The following WWOX variants were observed in gnomAD, a reference collection of about 807,000 sequenced individuals.
WWOX encodes the protein WW domain-containing oxidoreductase.
Under a neutral mutation model 46.2 loss-of-function variants are expected in WWOX, and 69 were observed. The ratio of observed to expected loss-of-function variants is 1.49; its 90% CI spans 1.23 to 1.82. The LOEUF (loss-of-function observed/expected upper bound fraction) is 1.82. Among genes scored for constraint, WWOX ranks in the 40% most tolerant of loss-of-function variants. WWOX has a pLI of 0.00. For synonymous variants in WWOX, 359 were observed against 202.6 expected (o/e 1.77, Z -6.56); for missense variants, 919 against 542.6 (o/e 1.69, Z -6.89).
chr16:78,643,843 T>C (rs2046780313), intron 8 of WWOX, among the ~76,000 whole-genome samples: 1 of 144,744 alleles, frequency 6.9e-6, no homozygotes, highest in South Asian at 2.2e-4. Flanking sequence ...AAAAAAAAAC[T>C]TTCTTCCCAG....
intron 8 of WWOX, among the ~76,000 whole-genome samples, chr16:78,847,541 C>G (rs2052332495): frequency 1.3e-5 from 2 of 151,782 alleles, no homozygotes; most frequent in Admixed American, 6.6e-5. Context: ...GCTATGTTGC[C>G]CAGCTCAGTC....
chr16:78,813,491 C>T (rs1176787240), intron 8 of WWOX, among the ~76,000 whole-genome samples: 1 of 152,038 alleles, frequency 6.6e-6, no homozygotes, highest in African/African-American at 2.4e-5. Flanking sequence ...CATATTTTGT[C>T]CTGGTTAGAG....
At chr16:78,181,282 G>GGT (rs1194085066) in intron 5 of WWOX, among the ~76,000 whole-genome samples, 8 of 151,996 alleles carry the variant, frequency 5.3e-5, no homozygotes, top group Non-Finnish European at 1.2e-4. Context: ...TCGTGGTGAC[G>GGT]GTGTGTGTGT....
chr16:78,988,335 ACTC>A, intron 8 of WWOX, among the ~76,000 whole-genome samples: 1 of 143,506 alleles, frequency 7.0e-6, no homozygotes, highest in Admixed American at 7.2e-5. Context: ...CAAGAGCAAA[ACTC>A]TGTCTCAAAA....
At chr16:78,918,889 G>T (rs2045312641) in intron 8 of WWOX, among the ~76,000 whole-genome samples, 1 of 152,074 alleles carries the variant, frequency 6.6e-6, no homozygotes, top group South Asian at 2.1e-4. Context: ...TGTCTTTTCT[G>T]AGCTACCTAT....
intron 6 of WWOX, among the ~76,000 whole-genome samples, chr16:78,410,237 G>A (rs1053673060): frequency 2.0e-5 from 3 of 152,114 alleles, no homozygotes; most frequent in African/African-American, 4.8e-5. Context: ...CTGCAGAATC[G>A]GAGCCAATTA....
At position 78,854,258 on chromosome 16, in the gene WWOX, A is replaced by G. The variant is rs116110440; in HGVS notation, c.1057-357350A>G. 2.2e-3 allele frequency among the ~76,000 whole-genome samples: 328 copies of G among 152,346 alleles called. 2 individuals are homozygous for G. The highest frequency in any genetic ancestry group is 7.3e-3 in the African/African-American group (303 of 41,586). On this transcript the variant is annotated intron_variant, in intron 8 of 8. Coordinates refer to ENST00000566780, the MANE Select transcript of WWOX (RefSeq NM_016373.4). ...TTATAATAAAACTTCATTTTATTTT[A>G]GATAAAATGAAAAGATGTTACTATG...
At chr16:78,160,438 A>G (rs1366094910) in intron 4 of WWOX, among the ~76,000 whole-genome samples, 1 of 152,110 alleles carries the variant, frequency 6.6e-6, no homozygotes, top group South Asian at 2.1e-4. Context: ...TTTTTAATAT[A>G]TGTAGTTAAG....
chr16:79,003,973 A>T (rs966557772), intron 8 of WWOX, among the ~76,000 whole-genome samples: 1 of 152,132 alleles, frequency 6.6e-6, no homozygotes, highest in Admixed American at 6.5e-5. Context: ...TTGCCAAGAA[A>T]GTTCCCTGTA....
intron 5 of WWOX, among the ~76,000 whole-genome samples, chr16:78,257,043 A>G (rs2038150495): frequency 6.6e-6 from 1 of 152,006 alleles, no homozygotes; most frequent in South Asian, 2.1e-4. Context: ...TGTCTTTTAC[A>G]TTTCGCAGCA....
chr16:78,949,310 G>A lies in WWOX; in HGVS notation c.1057-262298G>A, dbSNP rs545317039. Among the ~76,000 whole-genome samples the A allele has an allele frequency of 1.1e-4, 17 of 152,180 alleles. No homozygotes were observed. In the South Asian group the frequency reaches 2.9e-3, roughly 26 times the overall value. ...CAACTGTGCCGTCGTGACTAGATACGTTTTTTTAAGGGGATGATAATTTGC... is the reference window on the plus strand; with the variant it reads ...CAACTGTGCCGTCGTGACTAGATACATTTTTTTAAGGGGATGATAATTTGC... On this transcript the variant is annotated intron_variant, in intron 8 of 8. Coordinates refer to ENST00000566780, the MANE Select transcript of WWOX (RefSeq NM_016373.4).
intron 8 of WWOX, among the ~76,000 whole-genome samples, chr16:79,174,216 C>T (rs980149430): frequency 6.6e-5 from 10 of 152,192 alleles, no homozygotes; most frequent in Admixed American, 2.6e-4. Flanking sequence ...TTTTCAGTGG[C>T]AAATGCCTCT....
chr16:78,999,341 A>G (rs528726378), intron 8 of WWOX, among the ~76,000 whole-genome samples: 1 of 152,102 alleles, frequency 6.6e-6, no homozygotes, highest in Middle Eastern at 3.2e-3. Context: ...GTAGTGGCAC[A>G]TGCCTGTAAT....
At chr16:78,134,105 C>A (rs557922771) in intron 4 of WWOX, among the ~76,000 whole-genome samples, 1 of 152,082 alleles carries the variant, frequency 6.6e-6, no homozygotes, top group South Asian at 2.1e-4. Context: ...ACCCTTGTGA[C>A]GAATAAGAAA....
chr16:78,984,082 C>G (rs1363097155), intron 8 of WWOX, among the ~76,000 whole-genome samples: 7 of 151,818 alleles, frequency 4.6e-5, no homozygotes, highest in South Asian at 2.1e-4. Context: ...GTTTCACTGT[C>G]TTAGCCAGGA....
At chr16:78,957,713 C>G (rs534280300) in intron 8 of WWOX, among the ~76,000 whole-genome samples, 2 of 152,338 alleles carry the variant, frequency 1.3e-5, no homozygotes, top group East Asian at 3.9e-4. Context: ...ATGTGAACCT[C>G]TCCGTTAGGA....
chr16:78,248,463 G>A, intron 5 of WWOX, among the ~76,000 whole-genome samples: 1 of 152,252 alleles, frequency 6.6e-6, no homozygotes, highest in Middle Eastern at 3.4e-3. Flanking sequence ...AAGGCTGGGT[G>A]CGGTGGCACA....
At position 78,346,263 on chromosome 16, in the gene WWOX, A is replaced by G. The variant is rs139688087; in HGVS notation, c.517-40597A>G. ...TTGTGTGGAGAAATCACATTGTTTT[A>G]AAAATACCTAATTACCTGCTGATAG... On this transcript the variant is annotated intron_variant, in intron 5 of 8. Coordinates refer to ENST00000566780, the MANE Select transcript of WWOX (RefSeq NM_016373.4). Among the ~76,000 whole-genome samples, 26 of 121,740 alleles carry G rather than the reference A, an allele frequency of 2.1e-4. 1 individual carries two copies. In the East Asian group the frequency reaches 5.0e-3, roughly 24 times the overall value. The allele number at this position is 121,740 out of a possible 152,430, so 79.9% of individuals were successfully genotyped here.
intron 5 of WWOX, among the ~76,000 whole-genome samples, chr16:78,337,552 T>G (rs2080921474): frequency 6.6e-6 from 1 of 152,192 alleles, no homozygotes; most frequent in Non-Finnish European, 1.5e-5. Context: ...GTTTGTTCAA[T>G]GCATAATGAC....
Sources: gnomAD v4.1 joint callset for allele counts (sites outside exome capture counted in the v4.1 genomes callset) on GRCh38, gnomAD v4.1.1 for gene constraint, MANE v1.5 for transcripts, NCBI Gene and HGNC (gene_info 2026-07-23, HGNC 2026-07-21) for gene names.